Variants in KCNK1 observed in about 807,000 individuals in gnomAD.
KCNK1 encodes potassium channel subfamily K member 1.
A neutral mutation model predicts 22.2 loss-of-function variants in KCNK1; 10 were observed. The ratio of observed to expected loss-of-function variants is 0.45; its 90% CI spans 0.28 to 0.76. The LOEUF is 0.76. KCNK1 is among the 30% of genes least tolerant of loss of function. The pLI, the probability that KCNK1 is intolerant of heterozygous loss-of-function variation, is 0.14. For missense variants in KCNK1, 378 were observed against 421.0 expected (o/e 0.90, Z 0.89); for synonymous variants, 200 against 186.4 (o/e 1.07, Z -0.60).
intron 1 of KCNK1, among the ~76,000 whole-genome samples, chr1:233,642,377 G>A (rs1309314516): frequency 2.6e-5 from 4 of 152,238 alleles, no homozygotes; most frequent in African/African-American, 9.6e-5. Flanking sequence ...AAAAGGAACT[G>A]TGTAGCTTTC....
Position 233,666,674 on chromosome 1 carries a change from C to A in KCNK1, c.435C>A (p.Thr145=). 6.2e-7 allele frequency: 1 copy of A among 1,614,158 alleles called. No homozygotes were observed. Among genetic ancestry groups the A allele is most frequent in the Non-Finnish European group, 8.5e-7 (1 of 1,180,022 alleles). Residue 145 remains threonine, a synonymous_variant, in exon 2 of 3, where the codon ACC becomes ACA. Coordinates refer to ENST00000366621, the MANE Select transcript of KCNK1 (RefSeq NM_002245.4). Reference sequence around the variant, plus strand: ...ACTCCGTCATTGGCATTCCCTTCACCCTCCTGTTCCTGACGGCTGTGGTCC... The same window carrying A: ...ACTCCGTCATTGGCATTCCCTTCACACTCCTGTTCCTGACGGCTGTGGTCC... ...IIYSVIGIPF[T]LLFLTAVVQR...
intron 1 of KCNK1, among the ~76,000 whole-genome samples, chr1:233,615,850 A>C (rs574730736): frequency 6.6e-6 from 1 of 152,178 alleles, no homozygotes; most frequent in South Asian, 2.1e-4. Flanking sequence ...ATCACATGAA[A>C]CAATTATTCA....
chr1:233,619,470 T>C (rs1201933125), intron 1 of KCNK1, among the ~76,000 whole-genome samples: 2 of 152,154 alleles, frequency 1.3e-5, no homozygotes, highest in Non-Finnish European at 2.9e-5. Context: ...TTAAGGCAGG[T>C]AGGGAGCTGC....
Position 233,666,990 on chromosome 1 carries a change from TGTGA to T in KCNK1, c.751+3_751+6del. The T allele has an allele frequency of 6.2e-7, 1 of 1,602,214 alleles. No homozygotes were observed. Among genetic ancestry groups the T allele is most frequent in the Non-Finnish European group, 8.5e-7 (1 of 1,175,304 alleles). ...AGAGCTCTATAAGATTGGGATCACG[TGTGA>T]GTATTACAGCTCCCTGGCTGCTCCT... is the stretch of plus-strand genomic sequence containing the variant. On this transcript the variant is annotated splice_donor_variant and splice_donor_region_variant and intron_variant, in intron 2 of 2. Coordinates refer to ENST00000366621, the MANE Select transcript of KCNK1 (RefSeq NM_002245.4). LOFTEE classifies it high-confidence loss of function.
At chr1:233,616,404 T>G (rs1309580772) in intron 1 of KCNK1, among the ~76,000 whole-genome samples, 2 of 152,192 alleles carry the variant, frequency 1.3e-5, no homozygotes, top group Non-Finnish European at 2.9e-5. Context: ...TAATCTTGAA[T>G]AGATGAAATA....
In KCNK1 at chr1:233,631,368, T is replaced by G; in HGVS notation, c.355+16842T>G. 1.0e-5 allele frequency: 5 copies of G among 488,988 alleles called. 1 individual carries two copies. The highest frequency in any genetic ancestry group is 7.7e-5 in the South Asian group (5 of 65,304). 30.3% of individuals were successfully genotyped at this position (488,988 alleles called of 1,614,324 possible). ...CACTGCCCTGAGACACAGAATTTAA[T>G]TAGGCCTGCTTCTTTGTGTTTCTCT... On this transcript the variant is annotated intron_variant, in intron 1 of 2. Transcript: ENST00000366621.
chr1:233,646,428 G>A (rs930821392), intron 1 of KCNK1, among the ~76,000 whole-genome samples: 7 of 152,148 alleles, frequency 4.6e-5, no homozygotes, highest in African/African-American at 1.4e-4. Flanking sequence ...ACGGAATCAC[G>A]CAGGGAGAGC....
intron 1 of KCNK1, among the ~76,000 whole-genome samples, chr1:233,638,946 T>C (rs1333151047): frequency 3.3e-5 from 5 of 152,130 alleles, no homozygotes; most frequent in Non-Finnish European, 7.4e-5. Flanking sequence ...CACAAAAAAA[T>C]AACACTCACT....
At chr1:233,655,538 G>T (rs1345498000) in intron 1 of KCNK1, among the ~76,000 whole-genome samples, 1 of 152,186 alleles carries the variant, frequency 6.6e-6, no homozygotes, top group Non-Finnish European at 1.5e-5. Flanking sequence ...GAGTGTTTGT[G>T]TCTCTCCCAA....
In KCNK1 at chr1:233,645,086, T is replaced by C. The variant is rs948129726; in HGVS notation, c.356-21509T>C. 2.2e-4 allele frequency among the ~76,000 whole-genome samples: 34 copies of C among 151,510 alleles called. No homozygotes were observed. In the East Asian group the frequency reaches 5.5e-3, roughly 24 times the overall value. On this transcript the variant is annotated intron_variant, in intron 1 of 2. Transcript: ENST00000366621. ...GCGGGCGCCTGTAGTCCCAGCTACTTGGAAGGCTGAGGCAGGAGAATTGCT... is the reference window on the plus strand; with the variant it reads ...GCGGGCGCCTGTAGTCCCAGCTACTCGGAAGGCTGAGGCAGGAGAATTGCT...
intron 2 of KCNK1, among the ~76,000 whole-genome samples, chr1:233,669,016 G>T (rs1003627620): frequency 1.3e-5 from 2 of 152,102 alleles, no homozygotes; most frequent in Admixed American, 6.5e-5. Context: ...ATAATGACCT[G>T]GTGCTTTCCA....
intron 2 of KCNK1, 23 bp downstream of exon 2, chr1:233,667,013 T>A (rs1658502865): frequency 7.3e-6 from 11 of 1,513,626 alleles, no homozygotes; most frequent in African/African-American, 1.4e-5. Context: ...GCTCCCTGGC[T>A]GCTCCTTCTG....
chr1:233,623,206 G>A (rs1657622250), intron 1 of KCNK1, among the ~76,000 whole-genome samples: 1 of 151,700 alleles, frequency 6.6e-6, no homozygotes, highest in Non-Finnish European at 1.5e-5. Context: ...GAAAACAAAT[G>A]GAAATGGTTA....
chr1:233,614,925 G>T (rs1657460027), intron 1 of KCNK1, among the ~76,000 whole-genome samples: 1 of 152,158 alleles, frequency 6.6e-6, no homozygotes, highest in Non-Finnish European at 1.5e-5. Flanking sequence ...AGCAGCACCT[G>T]GCCGCCGTGC....
At chr1:233,643,680 A>T in intron 1 of KCNK1, among the ~76,000 whole-genome samples, 1 of 125,938 alleles carries the variant, frequency 7.9e-6, no homozygotes, top group Non-Finnish European at 1.6e-5. Context: ...AAACTGCTTC[A>T]CTTCTTCTTA....
At chr1:233,663,927 G>T (rs539816894) in intron 1 of KCNK1, among the ~76,000 whole-genome samples, 3 of 152,150 alleles carry the variant, frequency 2.0e-5, no homozygotes, top group African/African-American at 7.2e-5. Flanking sequence ...CGCCTCACGG[G>T]TTCAAACAAT....
chr1:233,663,892 C>T (rs1363892170), intron 1 of KCNK1, among the ~76,000 whole-genome samples: 1 of 151,824 alleles, frequency 6.6e-6, no homozygotes, highest in Non-Finnish European at 1.5e-5. Flanking sequence ...AGTGCAATGG[C>T]GCGATCTCAG....
At chr1:233,630,664 G>A (rs75443204) in intron 1 of KCNK1, 4,285 of 152,316 alleles carry the variant, frequency 0.028, 73 homozygotes, top group Middle Eastern at 0.061. Context: ...TCACACTTGC[G>A]AAGTCTTCTT....
chr1:233,634,329 A>T (rs1196581449), intron 1 of KCNK1, among the ~76,000 whole-genome samples: 1 of 152,062 alleles, frequency 6.6e-6, no homozygotes, highest in Non-Finnish European at 1.5e-5. Context: ...AAAAAAAAAA[A>T]AAAAGAAAAA....
Sources: allele counts gnomAD v4.1 joint callset (sites outside exome capture counted in the v4.1 genomes callset), GRCh38; gene constraint gnomAD v4.1.1; transcripts MANE v1.5; gene names NCBI Gene and HGNC (gene_info 2026-07-23, HGNC 2026-07-21).